Variants in HIVEP3 observed in about 807,000 individuals in gnomAD.
The protein encoded by HIVEP3 is transcription factor HIVEP3.
Under a neutral mutation model 152.8 loss-of-function variants are expected in HIVEP3, and 49 were observed. The ratio of observed to expected loss-of-function variants is 0.32; its 90% CI spans 0.26 to 0.41. The LOEUF (loss-of-function observed/expected upper bound fraction) is 0.41, where lower values mean the gene tolerates loss of function less well. Ranked by LOEUF, HIVEP3 falls within the 10% of genes least tolerant of loss-of-function variation. The pLI is 1.00. For synonymous variants in HIVEP3, 1,269 were observed against 1,289.0 expected, an observed-to-expected ratio of 0.98 and a Z score of 0.33; for missense variants, 2,790 against 3,103.3, an observed-to-expected ratio of 0.90 and a Z score of 2.40.
At chr1:41,753,660 C>A (rs1313700945) in intron 1 of HIVEP3, among the ~76,000 whole-genome samples, 1 of 107,280 alleles carries the variant, frequency 9.3e-6, no homozygotes, top group Admixed American at 9.7e-5. Context: ...AGGAGAGAAA[C>A]GCCGTCTCAA....
intron 6 of HIVEP3, among the ~76,000 whole-genome samples, chr1:41,518,822 T>G (rs1296898634): frequency 1.3e-5 from 2 of 151,552 alleles, no homozygotes; most frequent in East Asian, 1.9e-4. Flanking sequence ...AATAGGTTTT[T>G]TTTTTTTTTT....
At chr1:41,524,695 G>C in intron 6 of HIVEP3, 40 bp downstream of exon 6, 1 of 1,590,308 alleles carries the variant, frequency 6.3e-7, no homozygotes. Context: ...GGAGCTCCCT[G>C]CAGCGGGCAG....
chr1:41,562,630 TCTCCC>T (rs1644093127), intron 5 of HIVEP3, among the ~76,000 whole-genome samples: 1 of 87,578 alleles, frequency 1.1e-5, no homozygotes, highest in South Asian at 3.3e-4. Context: ...TCTCTCTCTC[TCTCCC>T]TCTCTCTCTC....
intron 5 of HIVEP3, among the ~76,000 whole-genome samples, chr1:41,548,704 T>A (rs1025193752): frequency 6.6e-6 from 1 of 152,030 alleles, no homozygotes; most frequent in Non-Finnish European, 1.5e-5. Flanking sequence ...CTGGCCAATT[T>A]TTTGTATTTT....
At chr1:41,610,224 T>A (rs769746994) in intron 3 of HIVEP3, among the ~76,000 whole-genome samples, 5 of 152,242 alleles carry the variant, frequency 3.3e-5, no homozygotes, top group Non-Finnish European at 5.9e-5. Context: ...AGAACCCTAA[T>A]ACACAACTTC....
At chr1:41,709,270 G>A (rs1558198476) in intron 1 of HIVEP3, among the ~76,000 whole-genome samples, 1 of 152,224 alleles carries the variant, frequency 6.6e-6, no homozygotes, top group Non-Finnish European at 1.5e-5. Context: ...TATTGTGTAA[G>A]TCCCTTGTAG....
chr1:41,829,800 T>TA (rs895158648), intron 1 of HIVEP3, among the ~76,000 whole-genome samples: 51 of 144,728 alleles, frequency 3.5e-4, no homozygotes, highest in South Asian at 1.1e-3. Flanking sequence ...TGTTCCCAGT[T>TA]AAAAAAAAAA....
chr1:41,738,004 C>A (rs568346162), intron 1 of HIVEP3, among the ~76,000 whole-genome samples: 1 of 152,312 alleles, frequency 6.6e-6, no homozygotes, highest in South Asian at 2.1e-4. Context: ...GGATCCATGC[C>A]ATGTCTATAG....
chr1:42,025,539 T>TCTCGCATCACATTTTGTTTC (rs1645577089), intron 1 of HIVEP3, among the ~76,000 whole-genome samples: 1 of 152,246 alleles, frequency 6.6e-6, no homozygotes, highest in Non-Finnish European at 1.5e-5. Flanking sequence ...TTCTGTTGTT[T>TCTCGCATCACATTTTGTTTC]CTCGCATCAC....
intron 3 of HIVEP3, among the ~76,000 whole-genome samples, chr1:41,620,926 C>T (rs182096739): frequency 2.6e-4 from 40 of 152,296 alleles, no homozygotes; most frequent in African/African-American, 9.4e-4. Flanking sequence ...CTTCCACCTG[C>T]GGCACCTCGA....
At chr1:41,616,222 A>G (rs932860573) in intron 3 of HIVEP3, among the ~76,000 whole-genome samples, 2 of 152,098 alleles carry the variant, frequency 1.3e-5, no homozygotes, top group Non-Finnish European at 2.9e-5. Flanking sequence ...TGGGTCTAGG[A>G]GGAAACTTAG....
chr1:41,562,088 C>T (rs1347758652), intron 5 of HIVEP3, among the ~76,000 whole-genome samples: 1 of 152,166 alleles, frequency 6.6e-6, no homozygotes, highest in East Asian at 1.9e-4. Context: ...TATGCTGGAC[C>T]TGGGATAAAC....
In HIVEP3 at chr1:41,599,443, T is replaced by C. The variant is rs371413139; in HGVS notation, c.-521-14125A>G. 5.9e-5 allele frequency among the ~76,000 whole-genome samples: 9 copies of C among 152,272 alleles called. No homozygotes were observed. The South Asian group carries it at 1.0e-3, about 18-fold the overall frequency. On this transcript the variant is annotated intron_variant, in intron 3 of 8. Coordinates refer to ENST00000372583, the MANE Select transcript of HIVEP3 (RefSeq NM_024503.5). ...GCTTCATTAAAATTTAAAACTTCTG[T>C]TCAACAAAGACTCTAATAATAGAGT...
intron 1 of HIVEP3, among the ~76,000 whole-genome samples, chr1:41,713,861 C>T (rs1231565916): frequency 1.3e-5 from 2 of 152,182 alleles, no homozygotes; most frequent in Non-Finnish European, 2.9e-5. Flanking sequence ...GGGGGAGGGG[C>T]TGGAGAGAGC....
chr1:41,723,338 C>T (rs1436118330), intron 1 of HIVEP3, among the ~76,000 whole-genome samples: 1 of 151,976 alleles, frequency 6.6e-6, no homozygotes, highest in Non-Finnish European at 1.5e-5. Flanking sequence ...TTCCTGCCAC[C>T]ATCCCCATCC....
chr1:41,872,052 C>G (rs890648551), intron 1 of HIVEP3, among the ~76,000 whole-genome samples: 2 of 152,160 alleles, frequency 1.3e-5, no homozygotes, highest in African/African-American at 4.8e-5. Flanking sequence ...AACCACTACC[C>G]TAATCAAGAT....
chr1:41,707,728 C>A (rs1386964094), intron 1 of HIVEP3, among the ~76,000 whole-genome samples: 1 of 152,228 alleles, frequency 6.6e-6, no homozygotes, highest in Non-Finnish European at 1.5e-5. Context: ...AAGTTACTGA[C>A]TCTTTCTAAA....
intron 1 of HIVEP3, among the ~76,000 whole-genome samples, chr1:41,934,969 A>G (rs934277640): frequency 1.3e-5 from 2 of 152,178 alleles, no homozygotes; most frequent in African/African-American, 4.8e-5. Flanking sequence ...ACATGTCACC[A>G]TTTAGTGAGA....
chr1:41,519,765 T>G (rs1201120319), intron 6 of HIVEP3, among the ~76,000 whole-genome samples: 2 of 151,976 alleles, frequency 1.3e-5, no homozygotes, highest in African/African-American at 4.8e-5. Context: ...AGGAAGAGGA[T>G]AGACAGAAGG....
Sources: gnomAD v4.1 joint callset for allele counts (sites outside exome capture counted in the v4.1 genomes callset) on GRCh38, gnomAD v4.1.1 for gene constraint, MANE v1.5 for transcripts, NCBI Gene and HGNC (gene_info 2026-07-23, HGNC 2026-07-21) for gene names.